Variants in ADAMTSL1 observed in about 807,000 individuals in gnomAD.
ADAMTSL1 encodes ADAMTS like 1, also known as ADAMTS-like protein 1.
In ADAMTSL1, 126 loss-of-function variants were observed where a neutral mutation model predicts 201.8. That is an observed-to-expected ratio of 0.62 (90% CI 0.54 to 0.72). The LOEUF is 0.72. Ranked by LOEUF, ADAMTSL1 falls within the 30% of genes least tolerant of loss-of-function variation. The probability of loss-of-function intolerance (pLI) is 0.00; values close to 1 mark genes in which losing one functional copy is unlikely to be tolerated. For missense variants in ADAMTSL1, 2,679 were observed against 2,277.8 expected, an observed-to-expected ratio of 1.18 and a Z score of -3.59; for synonymous variants, 1,121 against 903.4, an observed-to-expected ratio of 1.24 and a Z score of -4.32.
At chr9:18,265,623 C>G (rs1179118863) in intron 2 of ADAMTSL1, among the ~76,000 whole-genome samples, 1 of 152,052 alleles carries the variant, frequency 6.6e-6, no homozygotes, top group Non-Finnish European at 1.5e-5. Context: ...TTAACAGTGC[C>G]TGCTAAAATA....
chr9:18,706,921 C>T lies in ADAMTSL1; in HGVS notation c.1749C>T (p.Cys583=). Residue 583 remains cysteine, a synonymous_variant, in exon 14 of 29, where the codon TGC becomes TGT. Coordinates refer to ENST00000380548, the MANE Select transcript of ADAMTSL1 (RefSeq NM_001040272.6). ...AGCGTGCCTGTTATGCAGGCCCATG[C>T]AGCGGGGAAATTCCTGAGTTCAACC... ...ASQRACYAGP[C]SGEIPEFNPD... The T allele has an allele frequency of 6.2e-7, 1 of 1,614,008 alleles. No individual in the cohort carries two copies. Among genetic ancestry groups the T allele is most frequent in the African/African-American group, 1.3e-5 (1 of 75,068 alleles).
At chr9:18,458,978 AG>A (rs1820710626) in intron 2 of ADAMTSL1, among the ~76,000 whole-genome samples, 1 of 152,222 alleles carries the variant, frequency 6.6e-6, no homozygotes, top group African/African-American at 2.4e-5. Flanking sequence ...TATATTAAAC[AG>A]AACCTTTGTG....
rs1450891568 is a variant in ADAMTSL1, at chr9:18,905,823, C to G, written c.4893C>G (p.His1631Gln). The change falls in exon 27 of 29, where the codon CAC becomes CAG. Residue 1631 changes from histidine (H) to glutamine (Q), a missense_variant. His to Gln is a conservative substitution (Grantham distance 24, BLOSUM62 0). Transcript: ENST00000380548. ...PCIGPHLAVQHRQVFCQTRDG... is the reference protein window; with the variant it reads ...PCIGPHLAVQQRQVFCQTRDG... ...TCGGGCCTCACCTAGCTGTGCAACA[C>G]AGACAAGTCTTCTGCCAGACACGGG... is the stretch of plus-strand genomic sequence containing the variant. 2 of 1,613,614 alleles carry G rather than the reference C, an allele frequency of 1.2e-6. No homozygotes were observed. Among genetic ancestry groups the G allele is most frequent in the Non-Finnish European group, 1.7e-6 (2 of 1,179,814 alleles).
At chr9:18,517,461 A>C (rs537391793) in intron 2 of ADAMTSL1, among the ~76,000 whole-genome samples, 1 of 151,552 alleles carries the variant, frequency 6.6e-6, no homozygotes, top group Non-Finnish European at 1.5e-5. Flanking sequence ...ATACATGTGC[A>C]CATTGTGCAG....
chr9:18,626,839 T>TTCTTACTGTCTTTTTC (rs757449217), intron 5 of ADAMTSL1, among the ~76,000 whole-genome samples: 2 of 133,260 alleles, frequency 1.5e-5, no homozygotes, highest in African/African-American at 5.8e-5. Context: ...CTTACTTTCT[T>TTCTTACTGTCTTTTTC]TTTCTTTCTT....
chr9:18,529,714 T>C (rs1333637436), intron 2 of ADAMTSL1, among the ~76,000 whole-genome samples: 1 of 152,184 alleles, frequency 6.6e-6, no homozygotes, highest in Non-Finnish European at 1.5e-5. Flanking sequence ...ATAATGTCTT[T>C]CAATAATGAT....
intron 15 of ADAMTSL1, among the ~76,000 whole-genome samples, chr9:18,745,179 T>C (rs1221327126): frequency 2.0e-5 from 3 of 152,202 alleles, no homozygotes. Flanking sequence ...AGATTTAATA[T>C]TGATTGATGA....
chr9:18,399,514 A>G (rs944109994), intron 2 of ADAMTSL1, among the ~76,000 whole-genome samples: 7 of 97,248 alleles, frequency 7.2e-5, no homozygotes, highest in South Asian at 4.1e-4. Flanking sequence ...GCTGATTTTT[A>G]TATTTTTTTG....
At chr9:18,754,813 A>G (rs531202141) in intron 16 of ADAMTSL1, among the ~76,000 whole-genome samples, 1 of 152,328 alleles carries the variant, frequency 6.6e-6, no homozygotes, top group East Asian at 1.9e-4. Context: ...GCTTAAATGT[A>G]TATGGCTAAG....
At chr9:18,306,687 G>C (rs1201545923) in intron 2 of ADAMTSL1, among the ~76,000 whole-genome samples, 1 of 152,124 alleles carries the variant, frequency 6.6e-6, no homozygotes, top group Non-Finnish European at 1.5e-5. Context: ...AGAAATATGG[G>C]ACTATGTGAA....
At chr9:17,919,107 A>G (rs1826206687) in intron 1 of ADAMTSL1, among the ~76,000 whole-genome samples, 1 of 151,816 alleles carries the variant, frequency 6.6e-6, no homozygotes. Flanking sequence ...CCATTATAGT[A>G]TGACTTCCTA....
intron 13 of ADAMTSL1, among the ~76,000 whole-genome samples, chr9:18,692,362 T>C (rs1436846822): frequency 6.6e-6 from 1 of 152,190 alleles, no homozygotes; most frequent in Non-Finnish European, 1.5e-5. Flanking sequence ...GAGCCGTTTT[T>C]TTGTAGTCAT....
intron 2 of ADAMTSL1, among the ~76,000 whole-genome samples, chr9:18,310,907 A>G (rs921047713): frequency 1.3e-5 from 2 of 152,188 alleles, no homozygotes; most frequent in Admixed American, 1.3e-4. Context: ...ATGCACATGT[A>G]TGTTTATTGC....
chr9:17,957,955 G>A (rs1017353216), intron 1 of ADAMTSL1, among the ~76,000 whole-genome samples: 22 of 152,152 alleles, frequency 1.4e-4, no homozygotes, highest in African/African-American at 5.3e-4. Context: ...ATGACTGGGA[G>A]AGAATAAGTT....
At chr9:18,559,742 T>G (rs1821351382) in intron 3 of ADAMTSL1, among the ~76,000 whole-genome samples, 3 of 152,216 alleles carry the variant, frequency 2.0e-5, no homozygotes, top group Non-Finnish European at 4.4e-5. Flanking sequence ...TAAGTTATAT[T>G]CCTAGGTATT....
At position 18,603,394 on chromosome 9, in the gene ADAMTSL1, T is replaced by TGCTAC. The variant is rs1416655079; in HGVS notation, c.475-18845_475-18844insCGCTA. ...TGCTATGCTATGCTATGCTATGCTA[T>TGCTAC]GCTATGCTATGCTATGCTATGCTAT... On this transcript the variant is annotated intron_variant, in intron 4 of 28. Coordinates refer to ENST00000380548, the MANE Select transcript of ADAMTSL1 (RefSeq NM_001040272.6). Among the ~76,000 whole-genome samples the TGCTAC allele has an allele frequency of 1.1e-3, 139 of 130,916 alleles. 3 individuals are homozygous for TGCTAC. Among genetic ancestry groups the TGCTAC allele is most frequent in the African/African-American group, 4.6e-3 (124 of 27,076 alleles). 85.9% of individuals were successfully genotyped at this position (130,916 alleles called of 152,430 possible).
chr9:18,290,910 T>C (rs1833233221), intron 2 of ADAMTSL1, among the ~76,000 whole-genome samples: 1 of 151,924 alleles, frequency 6.6e-6, no homozygotes, highest in Admixed American at 6.6e-5. Flanking sequence ...GCCTCCCAAG[T>C]AGCTGGGACT....
intron 1 of ADAMTSL1, among the ~76,000 whole-genome samples, chr9:17,917,688 G>A (rs752151610): frequency 6.6e-6 from 1 of 151,910 alleles, no homozygotes; most frequent in Non-Finnish European, 1.5e-5. Context: ...TTAGAGCAAT[G>A]CCGGCTTCAT....
chr9:18,564,494 A>G (rs1400291300), intron 3 of ADAMTSL1, among the ~76,000 whole-genome samples: 1 of 152,174 alleles, frequency 6.6e-6, no homozygotes, highest in African/African-American at 2.4e-5. Context: ...GTAAATAGAA[A>G]CATAAGGAAC....
Sources: gnomAD v4.1 joint callset for allele counts (sites outside exome capture counted in the v4.1 genomes callset) on GRCh38, gnomAD v4.1.1 for gene constraint, MANE v1.5 for transcripts, NCBI Gene and HGNC (gene_info 2026-07-23, HGNC 2026-07-21) for gene names.